Variants in PLCB1 observed in about 807,000 individuals in gnomAD.
PLCB1 encodes 1-phosphatidylinositol 4,5-bisphosphate phosphodiesterase beta-1.
Under a neutral mutation model 161.8 loss-of-function variants are expected in PLCB1, and 46 were observed. The ratio of observed to expected loss-of-function variants is 0.28; its 90% CI spans 0.22 to 0.36. The LOEUF (loss-of-function observed/expected upper bound fraction) is 0.36. Among genes scored for constraint, PLCB1 ranks in the 10% least tolerant of loss-of-function variants. The pLI, the probability that PLCB1 is intolerant of heterozygous loss-of-function variation, is 1.00. For synonymous variants in PLCB1, 517 were observed against 503.7 expected (o/e 1.03, Z -0.35); for missense variants, 1,016 against 1,472.5 (o/e 0.69, Z 5.07).
At chr20:8,831,560 G>A (rs1985980606) in intron 31 of PLCB1, among the ~76,000 whole-genome samples, 1 of 152,160 alleles carries the variant, frequency 6.6e-6, no homozygotes, top group South Asian at 2.1e-4. Context: ...AATCCCACCA[G>A]TTTATTTTAT....
rs544668829 is a variant in PLCB1 at position 8,321,410 on chromosome 20, A to G, written c.178-49972A>G. On this transcript the variant is annotated intron_variant, in intron 2 of 31. Coordinates refer to ENST00000338037, the MANE Select transcript of PLCB1 (RefSeq NM_015192.4). ...TTTTCAGTCCTCAGTTTCCTCATATAAACTTCCATGATCTGCTGCCTAAGA... is the reference window on the plus strand; with the variant it reads ...TTTTCAGTCCTCAGTTTCCTCATATGAACTTCCATGATCTGCTGCCTAAGA... Among the ~76,000 whole-genome samples the G allele has an allele frequency of 4.6e-5, 7 of 152,086 alleles. No homozygotes were observed. In the East Asian group the frequency reaches 1.4e-3, roughly 29 times the overall value.
At chr20:8,831,788 C>A (rs1315036795) in intron 31 of PLCB1, among the ~76,000 whole-genome samples, 1 of 152,104 alleles carries the variant, frequency 6.6e-6, no homozygotes, top group African/African-American at 2.4e-5. Flanking sequence ...TACCACCATG[C>A]CCAGCTAGTT....
chr20:8,512,750 A>G lies in PLCB1; in HGVS notation c.247-115544A>G, dbSNP rs1266597384. Among the ~76,000 whole-genome samples the G allele has an allele frequency of 2.0e-5, 3 of 152,176 alleles. No homozygotes were observed. The East Asian group carries it at 5.8e-4, about 29-fold the overall frequency. On this transcript the variant is annotated intron_variant, in intron 3 of 31. Transcript: ENST00000338037. ...TACATGTATACATTGTGGAAGGAGT[A>G]AATCCGACTAATATATCCATTACCT...
rs182077019 is a variant in PLCB1, at chr20:8,298,583, G to C, written c.178-72799G>C. Among the ~76,000 whole-genome samples, 135 of 148,464 alleles carry C rather than the reference G, an allele frequency of 9.1e-4. 1 individual carries two copies. Among genetic ancestry groups the C allele is most frequent in the Admixed American group, 3.4e-3 (51 of 14,904 alleles). ...ACTAAGTATTCCATTTAGAAGTGTGGAATTGGGGCTTTTTTTTTTTTTCCT... is the reference window on the plus strand; with the variant it reads ...ACTAAGTATTCCATTTAGAAGTGTGCAATTGGGGCTTTTTTTTTTTTTCCT... On this transcript the variant is annotated intron_variant, in intron 2 of 31. Coordinates refer to ENST00000338037, the MANE Select transcript of PLCB1 (RefSeq NM_015192.4).
intron 3 of PLCB1, among the ~76,000 whole-genome samples, chr20:8,594,435 T>TTGGGGATCTGG (rs1555774881): frequency 6.6e-6 from 1 of 152,140 alleles, no homozygotes; most frequent in African/African-American, 2.4e-5. Context: ...TTGCAAGTCA[T>TTGGGGATCTGG]TGGGGATCTG....
chr20:8,739,448 A>C, intron 21 of PLCB1, 88 bp downstream of exon 21: 2 of 817,844 alleles, frequency 2.4e-6, no homozygotes, highest in Non-Finnish European at 4.2e-6. Context: ...GACTTAAGAA[A>C]CTATTTTCTG....
intron 1 of PLCB1, among the ~76,000 whole-genome samples, chr20:8,145,460 A>G (rs2051444183): frequency 6.6e-6 from 1 of 152,144 alleles, no homozygotes; most frequent in African/African-American, 2.4e-5. Context: ...CTGGTGACAT[A>G]CCTCCGCCTG....
chr20:8,150,674 G>A (rs751045651), intron 2 of PLCB1, among the ~76,000 whole-genome samples: 7 of 152,230 alleles, frequency 4.6e-5, no homozygotes, highest in African/African-American at 1.2e-4. Context: ...ATTAGTCAGC[G>A]TTACTGATTT....
At chr20:8,159,117 C>T (rs532039031) in intron 2 of PLCB1, among the ~76,000 whole-genome samples, 1 of 152,326 alleles carries the variant, frequency 6.6e-6, no homozygotes, top group African/African-American at 2.4e-5. Context: ...AGCCGAGACT[C>T]TCCATGAGAG....
chr20:8,591,273 C>T (rs1187678602), intron 3 of PLCB1, among the ~76,000 whole-genome samples: 1 of 152,072 alleles, frequency 6.6e-6, no homozygotes, highest in Non-Finnish European at 1.5e-5. Context: ...CACAGGTTTC[C>T]AGGATTAAGA....
At chr20:8,813,250 C>T (rs1984919628) in intron 31 of PLCB1, among the ~76,000 whole-genome samples, 1 of 152,204 alleles carries the variant, frequency 6.6e-6, no homozygotes, top group Admixed American at 6.5e-5. Flanking sequence ...ACCAAGTCTA[C>T]TCACTCGCGG....
In PLCB1 at chr20:8,547,640, C is replaced by T. The variant is rs1363794741; in HGVS notation, c.247-80654C>T. On this transcript the variant is annotated intron_variant, in intron 3 of 31. Transcript: ENST00000338037. ...ATCCATTTTTCTCTTTCTCAACTAC[C>T]CCACTTGTCAGTCCACCTTGACATT... 3.3e-5 allele frequency among the ~76,000 whole-genome samples: 5 copies of T among 152,082 alleles called. No individual in the cohort carries two copies. In the East Asian group the frequency reaches 5.8e-4, roughly 18 times the overall value.
chr20:8,533,132 C>G (rs546167216), intron 3 of PLCB1, among the ~76,000 whole-genome samples: 1 of 151,376 alleles, frequency 6.6e-6, no homozygotes, highest in Non-Finnish European at 1.5e-5. Context: ...TTTGTCCTTG[C>G]GACAGTTTAC....
intron 9 of PLCB1, among the ~76,000 whole-genome samples, chr20:8,663,972 C>T (rs1263718331): frequency 1.3e-5 from 2 of 152,018 alleles, no homozygotes; most frequent in African/African-American, 2.4e-5. Context: ...AATAGAATAG[C>T]TCTATAGGTA....
chr20:8,648,653 A>G (rs1395968737), intron 6 of PLCB1, among the ~76,000 whole-genome samples: 1 of 152,332 alleles, frequency 6.6e-6, no homozygotes, highest in East Asian at 1.9e-4. Context: ...CGAATACACA[A>G]ATTAAGCCAA....
intron 2 of PLCB1, among the ~76,000 whole-genome samples, chr20:8,240,296 A>ACACG (rs1466402183): frequency 1.3e-5 from 2 of 151,312 alleles, no homozygotes; most frequent in Non-Finnish European, 2.9e-5. Context: ...ACACACACAC[A>ACACG]CACACACACG....
At chr20:8,319,251 A>G (rs897993564) in intron 2 of PLCB1, among the ~76,000 whole-genome samples, 3 of 152,186 alleles carry the variant, frequency 2.0e-5, no homozygotes, top group Non-Finnish European at 4.4e-5. Context: ...TACGATAATA[A>G]GCATTTATTT....
intron 2 of PLCB1, among the ~76,000 whole-genome samples, chr20:8,355,318 G>C (rs954683402): frequency 6.6e-6 from 1 of 151,988 alleles, no homozygotes; most frequent in Non-Finnish European, 1.5e-5. Flanking sequence ...AGTTTCAATA[G>C]CTTAACACAT....
intron 3 of PLCB1, among the ~76,000 whole-genome samples, chr20:8,458,531 T>C (rs2122676515): frequency 6.6e-6 from 1 of 152,336 alleles, no homozygotes; most frequent in East Asian, 1.9e-4. Context: ...AGAGAAAGCA[T>C]ACTTCTTTGC....
Sources: gnomAD v4.1 joint callset for allele counts (sites outside exome capture counted in the v4.1 genomes callset) on GRCh38, gnomAD v4.1.1 for gene constraint, MANE v1.5 for transcripts, NCBI Gene and HGNC (gene_info 2026-07-23, HGNC 2026-07-21) for gene names.